The following ABCB5 variants were observed in gnomAD, a reference collection of about 807,000 sequenced individuals.
The protein encoded by ABCB5 is ATP-binding cassette sub-family B member 5.
In ABCB5, 155 loss-of-function variants were observed where a neutral mutation model predicts 144.2. The ratio of observed to expected loss-of-function variants is 1.08; its 90% CI spans 0.94 to 1.23. ABCB5 has a LOEUF of 1.23. ABCB5 is among the 50% of genes most tolerant of loss of function. The pLI, the probability that ABCB5 is intolerant of heterozygous loss-of-function variation, is 0.00. For synonymous variants in ABCB5, 610 were observed against 528.6 expected (o/e 1.15, Z -2.11); for missense variants, 1,830 against 1,520.8 (o/e 1.20, Z -3.38).
At chr7:20,694,534 G>A (rs950691911) in intron 16 of ABCB5, among the ~76,000 whole-genome samples, 3 of 151,942 alleles carry the variant, frequency 2.0e-5, no homozygotes, top group Middle Eastern at 3.2e-3. Flanking sequence ...GACTAAGATC[G>A]AGAACAAGGC....
At chr7:20,648,496 C>A (rs375466504) in intron 11 of ABCB5, among the ~76,000 whole-genome samples, 1 of 152,054 alleles carries the variant, frequency 6.6e-6, no homozygotes, top group African/African-American at 2.4e-5. Flanking sequence ...GCAGCAATTG[C>A]GGCTAGTACT....
intron 14 of ABCB5, chr7:20,659,688 T>G (rs950446258): frequency 2.0e-6 from 2 of 987,478 alleles, no homozygotes; most frequent in Non-Finnish European, 2.4e-6. Flanking sequence ...ATTCATTTTT[T>G]ATACTTAGTA....
chr7:20,749,067 C>CCTTTCTTTCT (rs1475710449), intron 26 of ABCB5, among the ~76,000 whole-genome samples: 1 of 151,546 alleles, frequency 6.6e-6, no homozygotes, highest in African/African-American at 2.4e-5. Context: ...TTTCTCTCTC[C>CCTTTCTTTCT]CTTTCTTTCT....
chr7:20,743,112 G>C, intron 25 of ABCB5, 38 bp downstream of exon 25: 1 of 1,600,480 alleles, frequency 6.2e-7, no homozygotes, highest in Middle Eastern at 1.7e-4. Context: ...CTGGGGGTTA[G>C]CAGTCCTATT....
At chr7:20,651,684 A>G (rs1784599891) in intron 13 of ABCB5, 61 bp downstream of exon 13, 2 of 1,535,656 alleles carry the variant, frequency 1.3e-6, no homozygotes, top group South Asian at 1.1e-5. Flanking sequence ...ACATTCCAAT[A>G]TAAGGTAATG....
At chr7:20,619,237 T>C (rs901603965) in intron 1 of ABCB5, among the ~76,000 whole-genome samples, 1 of 152,162 alleles carries the variant, frequency 6.6e-6, no homozygotes, top group Non-Finnish European at 1.5e-5. Context: ...GGTAGTTCTG[T>C]TTTAAGTTCT....
At chr7:20,670,812 G>A (rs1785442388) in intron 14 of ABCB5, among the ~76,000 whole-genome samples, 1 of 152,212 alleles carries the variant, frequency 6.6e-6, no homozygotes, top group Non-Finnish European at 1.5e-5. Flanking sequence ...GGGAGGCTGA[G>A]GCAGGAGAAT....
At chr7:20,640,812 G>A (rs1784280342) in intron 5 of ABCB5, among the ~76,000 whole-genome samples, 1 of 152,144 alleles carries the variant, frequency 6.6e-6, no homozygotes, top group Non-Finnish European at 1.5e-5. Context: ...AGCATCAATT[G>A]TATTTTCCTC....
chr7:20,651,001 T>G (rs1784564997), intron 12 of ABCB5, among the ~76,000 whole-genome samples: 1 of 152,184 alleles, frequency 6.6e-6, no homozygotes, highest in Non-Finnish European at 1.5e-5. Flanking sequence ...GAGCAATGAA[T>G]AGGAGACACT....
At chr7:20,730,315 GCCTGGACAA>G (rs1434278200) in intron 23 of ABCB5, among the ~76,000 whole-genome samples, 3 of 152,202 alleles carry the variant, frequency 2.0e-5, no homozygotes, top group Non-Finnish European at 4.4e-5. Context: ...TTCGAGACCA[GCCTGGACAA>G]CCTGTGAAAT....
intron 1 of ABCB5, among the ~76,000 whole-genome samples, chr7:20,619,129 A>G (rs566910431): frequency 1.0e-3 from 159 of 152,256 alleles, no homozygotes; most frequent in African/African-American, 3.8e-3. Context: ...GGTTGCTTCC[A>G]TGTGTCTGCT....
intron 20 of ABCB5, among the ~76,000 whole-genome samples, chr7:20,720,700 G>C (rs948720410): frequency 4.6e-5 from 7 of 152,128 alleles, no homozygotes; most frequent in Admixed American, 6.5e-5. Flanking sequence ...AATCCCAGCA[G>C]TTTGGGAGGC....
chr7:20,731,385 T>TAC (rs796972423), intron 23 of ABCB5, among the ~76,000 whole-genome samples: 1 of 147,158 alleles, frequency 6.8e-6, no homozygotes, highest in Non-Finnish European at 1.5e-5. Context: ...TATATATATA[T>TAC]ACATATAAAA....
chr7:20,700,710 G>A (rs908484785), intron 19 of ABCB5, among the ~76,000 whole-genome samples: 13 of 152,320 alleles, frequency 8.5e-5, no homozygotes, highest in African/African-American at 2.9e-4. Context: ...ATCTTGAGAA[G>A]TGAGTCTTGG....
intron 22 of ABCB5, 106 bp downstream of exon 22, chr7:20,727,246 C>G: frequency 1.5e-6 from 1 of 665,004 alleles, no homozygotes. Flanking sequence ...GCTCTTGAGC[C>G]TTTCCTAATA....
chr7:20,636,113 T>A (rs1784149880), intron 5 of ABCB5, among the ~76,000 whole-genome samples: 1 of 152,110 alleles, frequency 6.6e-6, no homozygotes. Flanking sequence ...TTGAATTGAG[T>A]TTTGCTGCAG....
chr7:20,686,003 T>C (rs1785982566), intron 16 of ABCB5, among the ~76,000 whole-genome samples, 167 bp downstream of exon 16: 1 of 152,184 alleles, frequency 6.6e-6, no homozygotes, highest in Non-Finnish European at 1.5e-5. Context: ...TCACTCTAGG[T>C]AAGGCTGCCT....
At chr7:20,741,763 C>T (rs891153638) in intron 24 of ABCB5, among the ~76,000 whole-genome samples, 2 of 151,988 alleles carry the variant, frequency 1.3e-5, no homozygotes, top group Non-Finnish European at 2.9e-5. Flanking sequence ...TTTTAAAATC[C>T]AGCCATCACT....
chr7:20,638,444 T>C (rs1211556344), intron 5 of ABCB5, among the ~76,000 whole-genome samples: 4 of 152,222 alleles, frequency 2.6e-5, no homozygotes, highest in Admixed American at 2.0e-4. Flanking sequence ...TATGGAGTTG[T>C]ACAGCCATCA....
Sources: allele counts gnomAD v4.1 joint callset (sites outside exome capture counted in the v4.1 genomes callset), GRCh38; gene constraint gnomAD v4.1.1; transcripts MANE v1.5; gene names NCBI Gene and HGNC (gene_info 2026-07-23, HGNC 2026-07-21).